GRIK3: variants seen among roughly 807,000 people sequenced by gnomAD.
GRIK3 encodes glutamate ionotropic receptor kainate type subunit 3.
In GRIK3, 29 loss-of-function variants were observed where a neutral mutation model predicts 102.5. The observed-to-expected ratio is 0.28, with a 90% CI of 0.21 to 0.39. The LOEUF is 0.39. Among genes scored for constraint, GRIK3 ranks in the 10% least tolerant of loss-of-function variants. GRIK3 has a pLI of 1.00. For missense variants in GRIK3, 908 were observed against 1,252.4 expected, an observed-to-expected ratio of 0.73 and a Z score of 4.15; for synonymous variants, 511 against 504.9, an observed-to-expected ratio of 1.01 and a Z score of -0.16.
At chr1:36,891,240 G>A in intron 1 of GRIK3, 144 bp from the exon 2 acceptor site, 1 of 572,694 alleles carries the variant, frequency 1.7e-6, no homozygotes, top group Non-Finnish European at 3.1e-6. Context: ...TACCTAGAAA[G>A]TGTGCAGGAG....
At chr1:37,001,563 C>T (rs543687671) in intron 1 of GRIK3, among the ~76,000 whole-genome samples, 7 of 152,138 alleles carry the variant, frequency 4.6e-5, no homozygotes, top group African/African-American at 1.7e-4. Flanking sequence ...CAAGCAGAGG[C>T]CTGGCCATTT....
intron 6 of GRIK3, 121 bp downstream of exon 6, chr1:36,859,723 A>G: frequency 2.5e-6 from 2 of 806,386 alleles, no homozygotes; most frequent in South Asian, 3.3e-5. Flanking sequence ...GGTCTGGCTG[A>G]CACATGGAAG....
chr1:36,887,661 CAGG>C (rs1641054750), intron 2 of GRIK3, among the ~76,000 whole-genome samples: 1 of 151,048 alleles, frequency 6.6e-6, no homozygotes, highest in Admixed American at 6.6e-5. Context: ...GAGGCTGAGG[CAGG>C]AGAATTGCTT....
At chr1:36,805,932 A>C (rs1570734527) in intron 14 of GRIK3, among the ~76,000 whole-genome samples, 172 bp downstream of exon 14, 1 of 105,798 alleles carries the variant, frequency 9.5e-6, no homozygotes, top group African/African-American at 3.7e-5. Context: ...GCGAAACTCC[A>C]CCTCAAAAAA....
At chr1:37,010,624 T>C (rs1442832506) in intron 1 of GRIK3, among the ~76,000 whole-genome samples, 1 of 152,088 alleles carries the variant, frequency 6.6e-6, no homozygotes. Context: ...TGTCCGGCTG[T>C]AATGCTTGTA....
At chr1:36,829,682 C>T (rs79530478) in intron 10 of GRIK3, among the ~76,000 whole-genome samples, 1 of 152,280 alleles carries the variant, frequency 6.6e-6, no homozygotes, top group Non-Finnish European at 1.5e-5. Context: ...TTGGGACCCT[C>T]CTGGCTTCTC....
Position 36,880,525 on chromosome 1 carries a change from C to A in GRIK3, c.550+109G>T. ...CCGAGTGGAACTGGGGTATGGAACA[C>A]AGCCTCTTCCCCCAGGGCAGCTGTG... On this transcript the variant is annotated intron_variant, in intron 3 of 15. Coordinates refer to ENST00000373091, the MANE Select transcript of GRIK3 (RefSeq NM_000831.4). This position sits in a 1 kb window ranked among gnomAD's most constrained non-coding sequence, Gnocchi z 5.4. 1 of 1,118,420 alleles carries A rather than the reference C, an allele frequency of 8.9e-7. No individual in the cohort carries two copies. Among genetic ancestry groups the A allele is most frequent in the Non-Finnish European group, 1.3e-6 (1 of 749,394 alleles). 69.3% of individuals were successfully genotyped at this position (1,118,420 alleles called of 1,614,324 possible). A position where few individuals can be genotyped will look rare whatever the true frequency, so the allele number is the denominator to read the frequency against.
Position 36,859,869 on chromosome 1 carries a change from G to C in GRIK3, c.935C>G (p.Ser312Cys), listed in dbSNP as rs1455532748. 1 of 1,613,848 alleles carries C rather than the reference G, an allele frequency of 6.2e-7. No homozygotes were observed. Among genetic ancestry groups the C allele is most frequent in the Non-Finnish European group, 8.5e-7 (1 of 1,179,906 alleles). Reference sequence around the variant, plus strand: ...CATCATCACTCCATCCAGCAGGCCAGACTCGGACCGGGGAGCTGCCTGCAG... The same window carrying C: ...CATCATCACTCCATCCAGCAGGCCACACTCGGACCGGGGAGCTGCCTGCAG... ...ERLQAAPRSESGLLDGVMMTD... is the reference protein window; with the variant it reads ...ERLQAAPRSECGLLDGVMMTD... Residue 312 changes from serine to cysteine, a missense_variant, in exon 6 of 16, where the codon TCT (serine) becomes TGT (cysteine). By Grantham distance (112) the Ser-to-Cys change is moderately radical. This residue lies in a region of GRIK3 where 585 missense variants were observed against 824.9 expected (regional missense o/e 0.71). Coordinates refer to ENST00000373091, the MANE Select transcript of GRIK3 (RefSeq NM_000831.4).
intron 9 of GRIK3, among the ~76,000 whole-genome samples, chr1:36,845,925 C>T (rs935361505): frequency 3.3e-5 from 5 of 152,106 alleles, no homozygotes; most frequent in Admixed American, 6.5e-5. Flanking sequence ...ATGTGGGTCA[C>T]GATGTGCACA....
intron 3 of GRIK3, among the ~76,000 whole-genome samples, chr1:36,877,430 G>A (rs1197602731): frequency 6.6e-6 from 1 of 152,072 alleles, no homozygotes; most frequent in East Asian, 1.9e-4. Flanking sequence ...CCTTGCTCTA[G>A]GCTCTCCTTC....
chr1:36,823,709 C>T (rs1642721857), intron 11 of GRIK3, among the ~76,000 whole-genome samples: 1 of 152,164 alleles, frequency 6.6e-6, no homozygotes, highest in African/African-American at 2.4e-5. Context: ...ACTATGCCTG[C>T]TTCACTCCCT....
rs1368683963 is a variant in GRIK3, at chr1:36,880,360, C to A, written c.550+274G>T. On this transcript the variant is annotated intron_variant, in intron 3 of 15. Transcript: ENST00000373091. The surrounding 1 kb of genome is among the most constrained non-coding windows in gnomAD (Gnocchi z 5.4). ...GTGTGCTGCTGCTAGGGTGGGTGTT[C>A]AGTGCAGATTTGAACACTTGTGCTG... Among the ~76,000 whole-genome samples the A allele has an allele frequency of 6.6e-6, 1 of 152,114 alleles. No homozygotes were observed. The highest frequency in any genetic ancestry group is 1.5e-5 in the Non-Finnish European group (1 of 68,018).
Position 36,859,181 on chromosome 1 carries a change from G to T in GRIK3, c.1031C>A (p.Thr344Asn), listed in dbSNP as rs879326273. The T allele has an allele frequency of 1.8e-5, 29 of 1,613,754 alleles. No homozygotes were observed. The highest frequency in any genetic ancestry group is 2.5e-5 in the Non-Finnish European group (29 of 1,179,752). Residue 344 changes from threonine (T) to asparagine (N), a missense_variant, in exon 7 of 16, where the codon ACC becomes AAC. Coordinates refer to ENST00000373091, the MANE Select transcript of GRIK3 (RefSeq NM_000831.4). ...CCGATGGCACTGCAGGGAGTTCACGGTCATCTGTGGTGCCCGCTGGTAGCA... is the reference window on the plus strand; with the variant it reads ...CCGATGGCACTGCAGGGAGTTCACGTTCATCTGTGGTGCCCGCTGGTAGCA... Reference protein sequence around the residue: ...SVCYQRAPQMTVNSLQCHRHK... With the variant: ...SVCYQRAPQMNVNSLQCHRHK...
chr1:36,978,810 A>G (rs1038503100), intron 1 of GRIK3, among the ~76,000 whole-genome samples: 2 of 152,206 alleles, frequency 1.3e-5, no homozygotes, highest in East Asian at 3.8e-4. Flanking sequence ...TAGGCTTAGA[A>G]CTGGCACGAT....
At chr1:36,946,070 G>A (rs544467351) in intron 1 of GRIK3, among the ~76,000 whole-genome samples, 101 of 152,362 alleles carry the variant, frequency 6.6e-4, no homozygotes, top group Non-Finnish European at 1.2e-3. Flanking sequence ...GAGGCAGCCC[G>A]AGGATATGCA....
intron 1 of GRIK3, among the ~76,000 whole-genome samples, chr1:36,961,623 G>C (rs1642010381): frequency 6.6e-6 from 1 of 152,228 alleles, no homozygotes; most frequent in Admixed American, 6.5e-5. Context: ...TGTGAGACGG[G>C]AGGGCTCAAC....
At chr1:36,892,860 G>C (rs1341507507) in intron 1 of GRIK3, among the ~76,000 whole-genome samples, 4 of 152,146 alleles carry the variant, frequency 2.6e-5, no homozygotes, top group Admixed American at 1.3e-4. Context: ...CAGGATAAAA[G>C]CTCCCATAAA....
chr1:36,842,031 C>A, intron 9 of GRIK3, 92 bp from the exon 10 acceptor site: 1 of 1,045,112 alleles, frequency 9.6e-7, no homozygotes, highest in Non-Finnish European at 1.5e-6. Context: ...GACCTCTGCT[C>A]ATGTTTTTAT....
Position 36,853,611 on chromosome 1 carries a change from G to A in GRIK3, c.1212+4C>T, listed in dbSNP as rs781068542. 1.1e-5 allele frequency: 18 copies of A among 1,593,396 alleles called. No individual in the cohort carries two copies. Among genetic ancestry groups the A allele is most frequent in the Non-Finnish European group, 1.5e-5 (17 of 1,161,336 alleles). ...CCTGCCCTCCCTCTCCTGAGACCAC[G>A]CACCTTCTCCAGGCCATCCTCTTTC... On this transcript the variant is annotated splice_donor_region_variant and intron_variant, in intron 8 of 15. Transcript: ENST00000373091.
Sources: gnomAD v4.1 joint callset for allele counts (sites outside exome capture counted in the v4.1 genomes callset) on GRCh38, gnomAD v4.1.1 for gene constraint, gnomAD v4.1.1 regional missense constraint, Gnocchi (gnomAD v3.1) non-coding constraint, MANE v1.5 for transcripts, NCBI Gene and HGNC (gene_info 2026-07-23, HGNC 2026-07-21) for gene names.